Variants in CDKAL1 observed in about 807,000 individuals in gnomAD.
CDKAL1 encodes the protein threonylcarbamoyladenosine tRNA methylthiotransferase.
CDKAL1 carries 32 observed loss-of-function variants against 68.2 expected under a neutral mutation model. The ratio of observed to expected loss-of-function variants is 0.47; its 90% CI spans 0.35 to 0.63. CDKAL1 has a LOEUF of 0.63. Among genes scored for constraint, CDKAL1 ranks in the 30% least tolerant of loss-of-function variants. The pLI, the probability that CDKAL1 is intolerant of heterozygous loss-of-function variation, is 0.00. For missense variants in CDKAL1, 606 were observed against 696.7 expected, an observed-to-expected ratio of 0.87 and a Z score of 1.47; for synonymous variants, 234 against 244.3, an observed-to-expected ratio of 0.96 and a Z score of 0.39.
intron 4 of CDKAL1, among the ~76,000 whole-genome samples, chr6:20,595,957 T>C (rs1200806154): frequency 1.3e-5 from 2 of 152,226 alleles, no homozygotes; most frequent in Non-Finnish European, 2.9e-5. Context: ...TGGAGTTTGC[T>C]GGAGGTCCAC....
At chr6:20,596,531 C>T (rs1765832446) in intron 4 of CDKAL1, among the ~76,000 whole-genome samples, 1 of 152,140 alleles carries the variant, frequency 6.6e-6, no homozygotes, top group South Asian at 2.1e-4. Context: ...CTTGAGTGTC[C>T]CAGGTCAACT....
chr6:21,197,066 A>G (rs1420897026), intron 13 of CDKAL1, among the ~76,000 whole-genome samples: 1 of 151,962 alleles, frequency 6.6e-6, no homozygotes, highest in Admixed American at 6.6e-5. Flanking sequence ...GCTGAGGCAG[A>G]AGAATCGTTT....
intron 13 of CDKAL1, among the ~76,000 whole-genome samples, chr6:21,163,883 G>A (rs1216893086): frequency 6.6e-6 from 1 of 151,960 alleles, no homozygotes; most frequent in Non-Finnish European, 1.5e-5. Context: ...CCTGGGAGAC[G>A]GAGGCTGCAG....
intron 7 of CDKAL1, among the ~76,000 whole-genome samples, chr6:20,766,182 C>T (rs555430030): frequency 1.3e-5 from 2 of 152,148 alleles, no homozygotes; most frequent in Non-Finnish European, 2.9e-5. Context: ...GCTTATATTT[C>T]CTTTTCTGAT....
At chr6:21,201,422 G>A in intron 15 of CDKAL1, 148 bp downstream of exon 15, 1 of 598,706 alleles carries the variant, frequency 1.7e-6, no homozygotes. Context: ...ATTGAAATCT[G>A]AATTAGAAAG....
At chr6:20,967,238 G>T (rs1470790168) in intron 10 of CDKAL1, among the ~76,000 whole-genome samples, 1 of 152,064 alleles carries the variant, frequency 6.6e-6, no homozygotes, top group African/African-American at 2.4e-5. Flanking sequence ...TCCAAGTAAT[G>T]TCACATTCAC....
At chr6:21,040,221 GT>G (rs1289670429) in intron 11 of CDKAL1, among the ~76,000 whole-genome samples, 1 of 152,108 alleles carries the variant, frequency 6.6e-6, no homozygotes, top group Non-Finnish European at 1.5e-5. Flanking sequence ...ATACGATGGA[GT>G]TTTTGACGAG....
intron 11 of CDKAL1, among the ~76,000 whole-genome samples, chr6:21,052,353 A>G (rs1770585244): frequency 1.3e-5 from 2 of 151,218 alleles, no homozygotes; most frequent in East Asian, 1.9e-4. Flanking sequence ...CGATTTGTCT[A>G]TTTTTTCTTA....
chr6:21,018,974 G>C (rs1768485882), intron 11 of CDKAL1, among the ~76,000 whole-genome samples: 1 of 152,064 alleles, frequency 6.6e-6, no homozygotes, highest in African/African-American at 2.4e-5. Context: ...TTTAGAGACA[G>C]AGTCTCGCTC....
chr6:21,228,969 C>A (rs557596449), intron 15 of CDKAL1, among the ~76,000 whole-genome samples: 1 of 152,186 alleles, frequency 6.6e-6, no homozygotes, highest in Non-Finnish European at 1.5e-5. Context: ...CTTGCCTCCC[C>A]CTGCCATGGG....
intron 11 of CDKAL1, among the ~76,000 whole-genome samples, chr6:21,023,502 A>G (rs1561969675): frequency 1.3e-5 from 2 of 152,196 alleles, no homozygotes; most frequent in African/African-American, 2.4e-5. Context: ...CAGAAAGCTC[A>G]AGTCCTTTAA....
In CDKAL1 at chr6:20,694,041, T is replaced by TG. The variant is rs1491573705; in HGVS notation, c.371+44664_371+44665insG. Among the ~76,000 whole-genome samples the TG allele has an allele frequency of 1.7e-5, 2 of 117,700 alleles. 1 individual carries two copies. Among genetic ancestry groups the TG allele is most frequent in the African/African-American group, 7.9e-5 (2 of 25,410 alleles). The allele number at this position is 117,700 out of a possible 152,430, so 77.2% of individuals were successfully genotyped here. On this transcript the variant is annotated intron_variant, in intron 5 of 15. Coordinates refer to ENST00000274695, the MANE Select transcript of CDKAL1 (RefSeq NM_017774.3). ...GCACACACTAACACACCCGGCTAAC[T>TG]TTGTGTGTGTGTGTGTGTGTATGTG...
intron 13 of CDKAL1, among the ~76,000 whole-genome samples, chr6:21,169,123 C>T (rs528942572): frequency 6.6e-6 from 1 of 152,136 alleles, no homozygotes; most frequent in East Asian, 1.9e-4. Context: ...CAGAAGCAAA[C>T]TAAAATGGTC....
At chr6:20,852,108 T>C (rs1326275999) in intron 9 of CDKAL1, among the ~76,000 whole-genome samples, 2 of 152,194 alleles carry the variant, frequency 1.3e-5, no homozygotes, top group African/African-American at 4.8e-5. Context: ...ATAACAATTG[T>C]CAACTTCCAA....
At chr6:21,191,338 G>A (rs564105958) in intron 13 of CDKAL1, among the ~76,000 whole-genome samples, 60 of 152,254 alleles carry the variant, frequency 3.9e-4, no homozygotes, top group African/African-American at 1.3e-3. Context: ...GGTTAGAACT[G>A]ATGTTTTTCA....
At chr6:21,202,753 C>A (rs1011029514) in intron 15 of CDKAL1, among the ~76,000 whole-genome samples, 1 of 152,192 alleles carries the variant, frequency 6.6e-6, no homozygotes, top group Non-Finnish European at 1.5e-5. Context: ...TAGTGTCCCT[C>A]TATTCGTTCC....
At chr6:20,875,973 A>G (rs1760492416) in intron 9 of CDKAL1, among the ~76,000 whole-genome samples, 1 of 152,244 alleles carries the variant, frequency 6.6e-6, no homozygotes. Flanking sequence ...TTTTTAACAG[A>G]TAAACATTAA....
intron 13 of CDKAL1, among the ~76,000 whole-genome samples, chr6:21,159,622 C>G (rs16884591): frequency 0.08 from 12,131 of 152,240 alleles, 660 homozygotes; most frequent in East Asian, 0.27. Context: ...TTATGGGACA[C>G]TTAAATGAAG....
chr6:21,001,583 C>T (rs558494173), intron 11 of CDKAL1, among the ~76,000 whole-genome samples: 1 of 152,144 alleles, frequency 6.6e-6, no homozygotes, highest in East Asian at 1.9e-4. Flanking sequence ...GTGCTACAGC[C>T]TTCAAAGTGG....
Sources: allele counts gnomAD v4.1 joint callset (sites outside exome capture counted in the v4.1 genomes callset), GRCh38; gene constraint gnomAD v4.1.1; transcripts MANE v1.5; gene names NCBI Gene and HGNC (gene_info 2026-07-23, HGNC 2026-07-21).